The following EPHA6 variants were observed in gnomAD, a reference collection of about 807,000 sequenced individuals.
EPHA6 encodes the protein ephrin type-A receptor 6.
A neutral mutation model predicts 112.0 loss-of-function variants in EPHA6; 50 were observed. That is an observed-to-expected ratio of 0.45 (90% CI 0.36 to 0.56). The LOEUF (loss-of-function observed/expected upper bound fraction) is 0.56, where lower values mean the gene tolerates loss of function less well. Ranked by LOEUF, EPHA6 falls within the 20% of genes least tolerant of loss-of-function variation. The pLI, the probability that EPHA6 is intolerant of heterozygous loss-of-function variation, is 0.00. For synonymous variants in EPHA6, 529 were observed against 490.7 expected (o/e 1.08, Z -1.03); for missense variants, 1,280 against 1,417.4 (o/e 0.90, Z 1.56).
chr3:97,700,194 A>G (rs537905141), intron 14 of EPHA6, among the ~76,000 whole-genome samples: 1 of 152,328 alleles, frequency 6.6e-6, no homozygotes, highest in South Asian at 2.1e-4. Flanking sequence ...CCATTCATGT[A>G]TGAAGAAAAT....
At chr3:97,454,115 C>A (rs1398077816) in intron 7 of EPHA6, among the ~76,000 whole-genome samples, 1 of 151,776 alleles carries the variant, frequency 6.6e-6, no homozygotes, top group African/African-American at 2.4e-5. Context: ...TGACTTCCAA[C>A]TGGAATATTC....
intron 5 of EPHA6, among the ~76,000 whole-genome samples, chr3:97,310,431 G>A (rs773516506): frequency 9.9e-5 from 15 of 151,314 alleles, no homozygotes; most frequent in Non-Finnish European, 1.8e-4. Context: ...CCTGAGTCTC[G>A]AATAATGGGG....
At chr3:97,064,947 A>AT (rs946284478) in intron 3 of EPHA6, among the ~76,000 whole-genome samples, 1 of 152,020 alleles carries the variant, frequency 6.6e-6, no homozygotes, top group Non-Finnish European at 1.5e-5. Flanking sequence ...TAAATTCTCA[A>AT]TTTTTTTCAT....
At chr3:97,477,524 T>G (rs1229580428) in intron 8 of EPHA6, among the ~76,000 whole-genome samples, 1 of 150,640 alleles carries the variant, frequency 6.6e-6, no homozygotes, top group Non-Finnish European at 1.5e-5. Flanking sequence ...AGAGGAAGTT[T>G]CAGTGAGGGT....
intron 9 of EPHA6, among the ~76,000 whole-genome samples, chr3:97,482,947 CT>C (rs1393575170): frequency 1.8e-4 from 28 of 152,064 alleles, no homozygotes; most frequent in African/African-American, 5.6e-4. Context: ...GTCTAGAGAT[CT>C]AAAATGGAAA....
intron 7 of EPHA6, among the ~76,000 whole-genome samples, chr3:97,471,171 A>G (rs189787004): frequency 1.1e-3 from 163 of 151,876 alleles, no homozygotes; most frequent in Non-Finnish European, 1.7e-3. Context: ...GTCTATTTAA[A>G]TAAACCAAAC....
At chr3:96,826,729 T>C (rs1381891731) in intron 1 of EPHA6, among the ~76,000 whole-genome samples, 2 of 152,208 alleles carry the variant, frequency 1.3e-5, no homozygotes, top group African/African-American at 2.4e-5. Flanking sequence ...TTTCCCAAGC[T>C]GTCTTTTAAT....
At position 97,244,176 on chromosome 3, in the gene EPHA6, T is replaced by G. The variant is rs371358724; in HGVS notation, c.1495T>G (p.Phe499Val). Residue 499 changes from phenylalanine to valine, a missense_variant, in exon 5 of 18, where the codon TTT becomes GTT. Transcript: ENST00000389672. Reference sequence around the variant, plus strand: ...CAACAATTCCGTGATAGTACTTGACTTTGTGTCTCACGTGAATTACACCTT... The same window carrying G: ...CAACAATTCCGTGATAGTACTTGACGTTGTGTCTCACGTGAATTACACCTT... ...LINNSVIVLD[F>V]VSHVNYTFEI... 8.1e-6 allele frequency: 13 copies of G among 1,613,078 alleles called. No homozygotes were observed. In the Admixed American group the frequency reaches 8.4e-5, roughly 10 times the overall value.
chr3:97,067,410 G>T (rs961163907), intron 3 of EPHA6, among the ~76,000 whole-genome samples: 4 of 151,994 alleles, frequency 2.6e-5, no homozygotes, highest in Non-Finnish European at 4.4e-5. Flanking sequence ...TGAAATGAGA[G>T]ATATATAAAG....
At chr3:97,268,233 T>C (rs1398156147) in intron 5 of EPHA6, among the ~76,000 whole-genome samples, 1 of 152,180 alleles carries the variant, frequency 6.6e-6, no homozygotes. Context: ...TCTTTTCTAA[T>C]GAAGCAAACT....
rs1318942555 is a variant in EPHA6, at chr3:97,759,154, T to G, written c.*10453T>G. Among the ~76,000 whole-genome samples, 1 of 152,012 alleles carries G rather than the reference T, an allele frequency of 6.6e-6. No homozygotes were observed. Among genetic ancestry groups the G allele is most frequent in the Admixed American group, 6.6e-5 (1 of 15,254 alleles). On this transcript the variant is annotated 3_prime_UTR_variant, in exon 18 of 18. Coordinates refer to ENST00000389672, the MANE Select transcript of EPHA6 (RefSeq NM_001080448.3). ...GAAAAAGGAAATGCAGTTGCTCATC[T>G]GGATTAAATGCTTTTAAGAAGTCAA...
intron 4 of EPHA6, among the ~76,000 whole-genome samples, chr3:97,234,090 T>C (rs1364543943): frequency 6.6e-6 from 1 of 152,172 alleles, no homozygotes; most frequent in African/African-American, 2.4e-5. Flanking sequence ...CTTTTTATTT[T>C]ATAATCCTAA....
At chr3:96,868,159 CGTGTGTGTGTGT>C (rs753000378) in intron 2 of EPHA6, among the ~76,000 whole-genome samples, 97 of 142,274 alleles carry the variant, frequency 6.8e-4, no homozygotes, top group Non-Finnish European at 1.1e-3. Context: ...TGTGTGTGTG[CGTGTGTGTGTGT>C]GTGTGAGAGA....
chr3:96,939,786 G>A (rs2040829141), intron 2 of EPHA6, among the ~76,000 whole-genome samples: 1 of 152,152 alleles, frequency 6.6e-6, no homozygotes. Context: ...GCGTCCCAGA[G>A]ATTCTGGTAT....
chr3:97,481,223 A>C, intron 9 of EPHA6: 1 of 1,320,522 alleles, frequency 7.6e-7, no homozygotes, highest in Non-Finnish European at 1.1e-6. Flanking sequence ...CTTTTTCTCC[A>C]TTACTATTTG....
chr3:97,159,518 G>C (rs1010245802), intron 3 of EPHA6, among the ~76,000 whole-genome samples: 1 of 152,114 alleles, frequency 6.6e-6, no homozygotes, highest in African/African-American at 2.4e-5. Context: ...TTTATTCCTA[G>C]GCCTGTGAAT....
chr3:97,637,949 C>T lies in EPHA6; in HGVS notation c.2651C>T (p.Ser884Phe). The stretch of plus-strand genomic sequence containing the variant: ...ATTGCATCAGGCATGAAGTATCTTT[C>T]TGATATGGGTTATGTTCATCGAGAC... The part of the protein sequence containing the change: ...RGIASGMKYL[S>F]DMGYVHRDLA... The change falls in exon 14 of 18, where the codon TCT becomes TTT. Residue 884 changes from serine to phenylalanine, a missense_variant. By Grantham distance (155) the Ser-to-Phe change is radical (BLOSUM62 -2). Around this residue, in one of 4 missense-constraint regions of EPHA6, gnomAD observed 878 missense variants for 999.7 expected, o/e 0.88. Transcript: ENST00000389672. 6.2e-7 allele frequency: 1 copy of T among 1,613,910 alleles called. No individual in the cohort carries two copies. Among genetic ancestry groups the T allele is most frequent in the Non-Finnish European group, 8.5e-7 (1 of 1,179,828 alleles).
intron 12 of EPHA6, among the ~76,000 whole-genome samples, chr3:97,609,955 C>T (rs925928406): frequency 6.6e-6 from 1 of 151,376 alleles, no homozygotes; most frequent in Non-Finnish European, 1.5e-5. Flanking sequence ...TAAACTTGGG[C>T]AATTGGGCAG....
At position 97,019,677 on chromosome 3, in the gene EPHA6, A is replaced by G. The variant is rs114865024; in HGVS notation, c.1114+31684A>G. On this transcript the variant is annotated intron_variant, in intron 3 of 17. Coordinates refer to ENST00000389672, the MANE Select transcript of EPHA6 (RefSeq NM_001080448.3). Reference sequence around the variant, plus strand: ...TCTTAGTTGTTTCACCAGTAAGTACATATTTATTCTCTGTTATATCTCTGT... The same window carrying G: ...TCTTAGTTGTTTCACCAGTAAGTACGTATTTATTCTCTGTTATATCTCTGT... Among the ~76,000 whole-genome samples, 837 of 152,208 alleles carry G rather than the reference A, an allele frequency of 5.5e-3. 7 individuals are homozygous for G. Among genetic ancestry groups the G allele is most frequent in the African/African-American group, 0.02 (814 of 41,536 alleles).
Sources: allele counts gnomAD v4.1 joint callset (sites outside exome capture counted in the v4.1 genomes callset), GRCh38; gene constraint gnomAD v4.1.1; regional missense constraint gnomAD v4.1.1; transcripts MANE v1.5; gene names NCBI Gene and HGNC (gene_info 2026-07-23, HGNC 2026-07-21).